The following GHR variants were observed in gnomAD, a reference collection of about 807,000 sequenced individuals.
GHR encodes GH receptor.
Under a neutral mutation model 67.1 loss-of-function variants are expected in GHR, and 35 were observed. The observed-to-expected ratio is 0.52, with a 90% CI of 0.40 to 0.69. The LOEUF (loss-of-function observed/expected upper bound fraction) is 0.69. Among genes scored for constraint, GHR ranks in the 30% least tolerant of loss-of-function variants. The pLI is 0.00. For missense variants in GHR, 792 were observed against 764.6 expected (o/e 1.04, Z -0.42); for synonymous variants, 272 against 269.1 (o/e 1.01, Z -0.10).
chr5:42,533,250 C>T (rs868860415), intron 1 of GHR, among the ~76,000 whole-genome samples: 14 of 152,004 alleles, frequency 9.2e-5, no homozygotes, highest in Non-Finnish European at 1.6e-4. Flanking sequence ...TTCTCCTCTT[C>T]GTTGATTCTT....
intron 8 of GHR, among the ~76,000 whole-genome samples, chr5:42,714,563 A>G (rs1739118586): frequency 6.6e-6 from 1 of 152,228 alleles, no homozygotes; most frequent in South Asian, 2.1e-4. Flanking sequence ...AGTGTCAAGC[A>G]TGCTAAAAGT....
chr5:42,696,050 A>G (rs1757657470), intron 5 of GHR, among the ~76,000 whole-genome samples: 1 of 152,254 alleles, frequency 6.6e-6, no homozygotes, highest in Non-Finnish European at 1.5e-5. Flanking sequence ...ACAATTTAGT[A>G]TGTGTCCTAA....
chr5:42,686,441 C>T (rs145903777), intron 3 of GHR, among the ~76,000 whole-genome samples: 32 of 152,262 alleles, frequency 2.1e-4, no homozygotes, highest in Admixed American at 4.6e-4. Context: ...AAAATACTGG[C>T]AAACCTAATC....
chr5:42,684,205 A>G (rs992155659), intron 3 of GHR, among the ~76,000 whole-genome samples: 1 of 152,192 alleles, frequency 6.6e-6, no homozygotes, highest in Non-Finnish European at 1.5e-5. Flanking sequence ...GCGAAGCTGT[A>G]AAATTGTAAA....
In GHR at chr5:42,642,169, T is replaced by C. The variant is rs563688810; in HGVS notation, c.136+13066T>C. Among the ~76,000 whole-genome samples the C allele has an allele frequency of 1.3e-4, 20 of 152,250 alleles. No homozygotes were observed. In the East Asian group the frequency reaches 3.3e-3, roughly 25 times the overall value. On this transcript the variant is annotated intron_variant, in intron 3 of 9. Transcript: ENST00000230882. Reference sequence around the variant, plus strand: ...AGACGATTAGAAGGGCAAGAAGTCATAGAAGACCAAGATTTCCCAAATTAC... The same window carrying C: ...AGACGATTAGAAGGGCAAGAAGTCACAGAAGACCAAGATTTCCCAAATTAC...
At chr5:42,705,980 A>C (rs1308205600) in intron 6 of GHR, among the ~76,000 whole-genome samples, 4 of 152,188 alleles carry the variant, frequency 2.6e-5, no homozygotes, top group African/African-American at 9.6e-5. Flanking sequence ...ACTGCTTGCC[A>C]CAATGGCTGA....
At chr5:42,434,653 T>C (rs1743242877) in intron 1 of GHR, among the ~76,000 whole-genome samples, 2 of 152,346 alleles carry the variant, frequency 1.3e-5, no homozygotes, top group Admixed American at 6.5e-5. Flanking sequence ...GCTATAACTA[T>C]GGAATAGCAT....
At chr5:42,568,731 G>A (rs1750095047) in intron 2 of GHR, among the ~76,000 whole-genome samples, 1 of 152,174 alleles carries the variant, frequency 6.6e-6, no homozygotes, top group Non-Finnish European at 1.5e-5. Flanking sequence ...TGAAATTAAT[G>A]AGAGCCTGTA....
chr5:42,495,396 G>C (rs958029789), intron 1 of GHR, among the ~76,000 whole-genome samples: 1 of 152,052 alleles, frequency 6.6e-6, no homozygotes, highest in Non-Finnish European at 1.5e-5. Context: ...TTATTCATTA[G>C]CTGTTTTTTT....
intron 1 of GHR, among the ~76,000 whole-genome samples, chr5:42,522,344 GT>G (rs565908427): frequency 6.6e-6 from 1 of 152,206 alleles, no homozygotes; most frequent in Non-Finnish European, 1.5e-5. Flanking sequence ...GGCATTTTCT[GT>G]TTTTAGCAGT....
At chr5:42,511,755 T>C (rs1747027822) in intron 1 of GHR, among the ~76,000 whole-genome samples, 1 of 152,146 alleles carries the variant, frequency 6.6e-6, no homozygotes, top group Admixed American at 6.5e-5. Context: ...TTTTATGTCT[T>C]CCTTAGGATG....
chr5:42,437,206 G>A (rs993496897), intron 1 of GHR, among the ~76,000 whole-genome samples: 2 of 152,216 alleles, frequency 1.3e-5, no homozygotes, highest in Admixed American at 6.5e-5. Flanking sequence ...TTAGAGCATT[G>A]CATATTTTTA....
At chr5:42,542,550 A>T (rs542681552) in intron 1 of GHR, among the ~76,000 whole-genome samples, 2 of 152,282 alleles carry the variant, frequency 1.3e-5, no homozygotes, top group Admixed American at 1.3e-4. Flanking sequence ...TTCTAAAAGG[A>T]GATAATTTTA....
chr5:42,466,012 T>C (rs1484641649), intron 1 of GHR: 2 of 567,914 alleles, frequency 3.5e-6, no homozygotes, highest in Non-Finnish European at 6.4e-6. Flanking sequence ...CTTCTTCTTT[T>C]TGTGTTTTTT....
intron 1 of GHR, among the ~76,000 whole-genome samples, chr5:42,454,966 C>T (rs577562037): frequency 3.9e-4 from 59 of 152,242 alleles, no homozygotes; most frequent in Non-Finnish European, 6.8e-4. Flanking sequence ...GTGCCCCCTC[C>T]CTAATTCTGC....
intron 1 of GHR, among the ~76,000 whole-genome samples, chr5:42,461,595 T>G (rs551031152): frequency 5.2e-4 from 79 of 152,326 alleles, no homozygotes; most frequent in African/African-American, 1.8e-3. Context: ...CATAGCACCA[T>G]GAATGTCTCC....
intron 6 of GHR, among the ~76,000 whole-genome samples, chr5:42,709,409 C>T (rs1449178682): frequency 6.6e-6 from 1 of 152,198 alleles, no homozygotes; most frequent in Non-Finnish European, 1.5e-5. Context: ...TCCCAAAGTG[C>T]TGGGATTATA....
chr5:42,558,525 G>A (rs893736957), intron 1 of GHR, among the ~76,000 whole-genome samples: 1 of 152,072 alleles, frequency 6.6e-6, no homozygotes, highest in Non-Finnish European at 1.5e-5. Context: ...TTTCAATGAT[G>A]GACTGGTCCC....
intron 1 of GHR, among the ~76,000 whole-genome samples, chr5:42,508,613 G>A (rs1420733665): frequency 6.6e-6 from 1 of 152,068 alleles, no homozygotes; most frequent in Non-Finnish European, 1.5e-5. Flanking sequence ...TTGCTCTGTC[G>A]CCCAGGCTGG....
Sources: allele counts gnomAD v4.1 joint callset (sites outside exome capture counted in the v4.1 genomes callset), GRCh38; gene constraint gnomAD v4.1.1; transcripts MANE v1.5; gene names NCBI Gene and HGNC (gene_info 2026-07-23, HGNC 2026-07-21).